Variants in CAMK1D observed in about 807,000 individuals in gnomAD.
CAMK1D encodes calcium/calmodulin-dependent protein kinase type 1D.
Under a neutral mutation model 47.7 loss-of-function variants are expected in CAMK1D, and 9 were observed. The observed-to-expected ratio is 0.19, with a 90% CI of 0.11 to 0.33. The LOEUF is 0.33. Ranked by LOEUF, CAMK1D falls within the 10% of genes least tolerant of loss-of-function variation. CAMK1D has a pLI of 1.00. For missense variants in CAMK1D, 291 were observed against 488.7 expected (o/e 0.60, Z 3.81); for synonymous variants, 184 against 184.9 (o/e 0.99, Z 0.04).
At chr10:12,809,400 C>CA (rs1362638702) in intron 6 of CAMK1D, among the ~76,000 whole-genome samples, 1 of 151,972 alleles carries the variant, frequency 6.6e-6, no homozygotes, top group South Asian at 2.1e-4. Flanking sequence ...CTAGCAATTC[C>CA]AAAAAAATGG....
chr10:12,487,779 C>T (rs1465841316), intron 1 of CAMK1D, among the ~76,000 whole-genome samples: 1 of 152,228 alleles, frequency 6.6e-6, no homozygotes, highest in African/African-American at 2.4e-5. Context: ...AATGTTGGTT[C>T]TCTGTAGACC....
chr10:12,378,873 G>A (rs148154324), intron 1 of CAMK1D, among the ~76,000 whole-genome samples: 1,973 of 147,834 alleles, frequency 0.013, 14 homozygotes, highest in Middle Eastern at 0.039. Flanking sequence ...GCCGTGGTGC[G>A]CTCTCAGCTC....
At chr10:12,393,186 C>T (rs1005040632) in intron 1 of CAMK1D, among the ~76,000 whole-genome samples, 1 of 152,062 alleles carries the variant, frequency 6.6e-6, no homozygotes, top group Non-Finnish European at 1.5e-5. Context: ...CGCCCACCAC[C>T]ATGCCTGGCT....
intron 2 of CAMK1D, among the ~76,000 whole-genome samples, chr10:12,615,485 T>G (rs561682686): frequency 6.6e-6 from 1 of 151,282 alleles, no homozygotes; most frequent in African/African-American, 2.4e-5. Flanking sequence ...CGTGTGTAGG[T>G]GTGTGCATGT....
chr10:12,655,856 T>G (rs1840102576), intron 2 of CAMK1D, among the ~76,000 whole-genome samples: 1 of 152,230 alleles, frequency 6.6e-6, no homozygotes, highest in African/African-American at 2.4e-5. Flanking sequence ...TGTGTCCAGC[T>G]GACAAACTTG....
chr10:12,751,063 TAA>T (rs1350821388), intron 3 of CAMK1D, among the ~76,000 whole-genome samples: 2 of 6,162 alleles, frequency 3.2e-4, no homozygotes, highest in East Asian at 7.1e-3. Flanking sequence ...TAAGATAAGA[TAA>T]GATAAGATAA....
intron 1 of CAMK1D, among the ~76,000 whole-genome samples, chr10:12,494,051 G>A (rs1360146421): frequency 1.3e-5 from 2 of 152,336 alleles, no homozygotes; most frequent in East Asian, 1.9e-4. Context: ...TTAATGTAGT[G>A]AACATCTCTT....
At chr10:12,438,155 T>G (rs925093491) in intron 1 of CAMK1D, among the ~76,000 whole-genome samples, 12 of 152,240 alleles carry the variant, frequency 7.9e-5, no homozygotes, top group African/African-American at 2.9e-4. Context: ...AGGGGCCTTT[T>G]GAAGCACGTG....
chr10:12,351,630 C>T (rs1405007139), intron 1 of CAMK1D, among the ~76,000 whole-genome samples: 1 of 152,220 alleles, frequency 6.6e-6, no homozygotes, highest in Non-Finnish European at 1.5e-5. Context: ...CTGACTCGTG[C>T]AGCTGCACCT....
At chr10:12,734,848 G>A (rs1012829660) in intron 3 of CAMK1D, among the ~76,000 whole-genome samples, 19 of 152,032 alleles carry the variant, frequency 1.2e-4, no homozygotes, top group African/African-American at 4.3e-4. Context: ...AACAGAGTTG[G>A]GCAGAAAAAG....
intron 1 of CAMK1D, among the ~76,000 whole-genome samples, chr10:12,470,960 A>G (rs1357096594): frequency 2.6e-5 from 4 of 152,206 alleles, no homozygotes; most frequent in African/African-American, 9.6e-5. Context: ...GCTGTGCTCC[A>G]GGAGCCCTGG....
chr10:12,381,596 G>A (rs1838348786), intron 1 of CAMK1D, among the ~76,000 whole-genome samples: 3 of 152,200 alleles, frequency 2.0e-5, no homozygotes, highest in South Asian at 2.1e-4. Flanking sequence ...AAAGTGCTGG[G>A]ATTACAGGTT....
At chr10:12,701,538 C>T (rs1020431024) in intron 3 of CAMK1D, among the ~76,000 whole-genome samples, 5 of 152,176 alleles carry the variant, frequency 3.3e-5, no homozygotes, top group Non-Finnish European at 5.9e-5. Context: ...GCATTGCCCC[C>T]TCTCTTTCAG....
At chr10:12,544,812 G>A (rs1046977761) in intron 1 of CAMK1D, among the ~76,000 whole-genome samples, 1 of 150,638 alleles carries the variant, frequency 6.6e-6, no homozygotes, top group Admixed American at 6.6e-5. Flanking sequence ...TACTAGTGTT[G>A]AGTGGATAGT....
chr10:12,760,813 G>T (rs1026571060), intron 3 of CAMK1D, 135 bp from the exon 4 acceptor site: 1 of 894,086 alleles, frequency 1.1e-6, no homozygotes, highest in African/African-American at 1.7e-5. Context: ...AGCCTCTGAG[G>T]AATAGGGGGG....
chr10:12,731,009 C>T (rs996835860), intron 3 of CAMK1D, among the ~76,000 whole-genome samples: 4 of 152,080 alleles, frequency 2.6e-5, no homozygotes, highest in Non-Finnish European at 2.9e-5. Context: ...ATAGGGCAGT[C>T]GCTGGCAGGG....
At chr10:12,817,308 G>A (rs750515277) in intron 8 of CAMK1D, among the ~76,000 whole-genome samples, 16 of 152,150 alleles carry the variant, frequency 1.1e-4, no homozygotes, top group East Asian at 1.9e-4. Context: ...CATTACAATC[G>A]GAATTTTATT....
intron 3 of CAMK1D, among the ~76,000 whole-genome samples, chr10:12,679,968 T>C (rs1222974423): frequency 6.6e-6 from 1 of 152,208 alleles, no homozygotes; most frequent in Non-Finnish European, 1.5e-5. Context: ...CTCTCTAAAA[T>C]GTAAGCTACA....
chr10:12,508,516 C>T (rs1011963268), intron 1 of CAMK1D, among the ~76,000 whole-genome samples: 1 of 152,312 alleles, frequency 6.6e-6, no homozygotes, highest in South Asian at 2.1e-4. Flanking sequence ...ACTTCTTGCT[C>T]AGTGGGCACA....
Sources: allele counts gnomAD v4.1 joint callset (sites outside exome capture counted in the v4.1 genomes callset), GRCh38; gene constraint gnomAD v4.1.1; transcripts MANE v1.5; gene names NCBI Gene and HGNC (gene_info 2026-07-23, HGNC 2026-07-21).